KCNQ1OT1: variants seen among roughly 807,000 people sequenced by gnomAD.
KCNQ1OT1 encodes KCNQ1 antisense RNA 2 (non-protein coding).
chr11:2,642,947 T>A lies in KCNQ1OT1; in HGVS notation n.57048A>T. 1 of 398,006 alleles carries A rather than the reference T, an allele frequency of 2.5e-6. No individual in the cohort carries two copies. The highest frequency in any genetic ancestry group is 4.4e-6 in the Non-Finnish European group (1 of 225,704). 24.7% of individuals were successfully genotyped at this position (398,006 alleles called of 1,614,324 possible). On this transcript the variant is annotated non_coding_transcript_exon_variant, in exon 1 of 1. Transcript: ENST00000597346. The surrounding 1 kb of genome is among the most constrained non-coding windows in gnomAD (Gnocchi z 4.3). ...TTGGTCATTCAGGAACATGTTAATT[T>A]CCATTTATTTATACAGTTTTGAATG... is the stretch of plus-strand genomic sequence containing the variant.
exon 1 of KCNQ1OT1, chr11:2,667,195 G>A (rs1034634521): frequency 7.8e-5 from 31 of 398,696 alleles, no homozygotes; most frequent in Middle Eastern, 6.3e-4. Flanking sequence ...CAGCTGTGGC[G>A]GCCCCCCGTG....
exon 1 of KCNQ1OT1, chr11:2,689,584 G>A (rs1850555790): frequency 5.0e-6 from 2 of 398,550 alleles, no homozygotes; most frequent in Non-Finnish European, 8.8e-6. Context: ...GTTAGCAGTG[G>A]TGTCTTCTAG....
exon 1 of KCNQ1OT1, chr11:2,662,607 G>A (rs1222537595): frequency 2.6e-5 from 11 of 416,700 alleles, no homozygotes; most frequent in Admixed American, 3.9e-5. Context: ...CCGCCGTCAC[G>A]GCATGGCCAG....
chr11:2,615,164 T>G (rs964206844), exon 1 of KCNQ1OT1: 1 of 398,262 alleles, frequency 2.5e-6, no homozygotes. Flanking sequence ...CTATTGTAAG[T>G]GGAATTTTAA....
chr11:2,688,433 T>C (rs567183362), exon 1 of KCNQ1OT1: 3 of 398,752 alleles, frequency 7.5e-6, no homozygotes, highest in South Asian at 1.3e-4. Flanking sequence ...CCCCAGCCCC[T>C]GCCTGTGCCA....
rs754905912 is a variant in KCNQ1OT1, at chr11:2,654,031, G to A, written n.45964C>T. ...AATATACATTTTCACTCCATTCCTCGCCTTGTTCCTGGCAGCTGTTGTGGG... is the reference window on the plus strand; with the variant it reads ...AATATACATTTTCACTCCATTCCTCACCTTGTTCCTGGCAGCTGTTGTGGG... On this transcript the variant is annotated non_coding_transcript_exon_variant, in exon 1 of 1. Coordinates refer to ENST00000597346, the Ensembl canonical transcript of KCNQ1OT1. The surrounding 1 kb of genome is among the most constrained non-coding windows in gnomAD (Gnocchi z 6.4). The A allele has an allele frequency of 6.8e-5, 27 of 398,544 alleles. 1 individual carries two copies. The highest frequency in any genetic ancestry group is 9.7e-5 in the Non-Finnish European group (22 of 226,104). 24.7% of individuals were successfully genotyped at this position (398,544 alleles called of 1,614,324 possible).
rs968216656 is a variant in KCNQ1OT1, at chr11:2,674,846, A to G, written n.25149T>C. 1 of 396,720 alleles carries G rather than the reference A, an allele frequency of 2.5e-6. No individual in the cohort carries two copies. Among genetic ancestry groups the G allele is most frequent in the Non-Finnish European group, 4.4e-6 (1 of 225,546 alleles). 24.6% of individuals were successfully genotyped at this position (396,720 alleles called of 1,614,324 possible). A position where few individuals can be genotyped will look rare whatever the true frequency, so the allele number is the denominator to read the frequency against. ...TAGCTGTTTTTTAAAAAAAAAAAAA[A>G]AAAAAAAAAAAAAAGCTCACTGGGC... is the stretch of plus-strand genomic sequence containing the variant. On this transcript the variant is annotated non_coding_transcript_exon_variant, in exon 1 of 1. Transcript: ENST00000597346. This position sits in a 1 kb window ranked among gnomAD's most constrained non-coding sequence, Gnocchi z 5.9.
chr11:2,690,987 C>T lies in KCNQ1OT1; in HGVS notation n.9008G>A, dbSNP rs1441373040. On this transcript the variant is annotated non_coding_transcript_exon_variant, in exon 1 of 1. Transcript: ENST00000597346. This position sits in a 1 kb window ranked among gnomAD's most constrained non-coding sequence, Gnocchi z 5.1. Reference sequence around the variant, plus strand: ...ATGTGTCAACAAAAGCCCACCAGACCATCAATGAAGTGGGCAAAAGCTCTG... The same window carrying T: ...ATGTGTCAACAAAAGCCCACCAGACTATCAATGAAGTGGGCAAAAGCTCTG... 7.5e-6 allele frequency: 3 copies of T among 398,502 alleles called. No individual in the cohort carries two copies. The highest frequency in any genetic ancestry group is 7.1e-5 in the East Asian group (2 of 28,092). The allele number at this position is 398,502 out of a possible 1,614,324, so 24.7% of individuals were successfully genotyped here. A position where few individuals can be genotyped will look rare whatever the true frequency, so the allele number is the denominator to read the frequency against.
chr11:2,642,018 T>C lies in KCNQ1OT1; in HGVS notation n.57977A>G, dbSNP rs938435224. 5.3e-5 allele frequency: 21 copies of C among 398,292 alleles called. No individual in the cohort carries two copies. The highest frequency in any genetic ancestry group is 8.9e-5 in the Non-Finnish European group (20 of 225,922). 24.7% of individuals were successfully genotyped at this position (398,292 alleles called of 1,614,324 possible). Reference sequence around the variant, plus strand: ...TTTTATTCCAATACCATGCTGCTTTTAATGCTATAGCCTTATATTTTTAAA... The same window carrying C: ...TTTTATTCCAATACCATGCTGCTTTCAATGCTATAGCCTTATATTTTTAAA... On this transcript the variant is annotated non_coding_transcript_exon_variant, in exon 1 of 1. Coordinates refer to ENST00000597346, the Ensembl canonical transcript of KCNQ1OT1. This position sits in a 1 kb window ranked among gnomAD's most constrained non-coding sequence, Gnocchi z 4.3.
Position 2,690,648 on chromosome 11 carries a change from A to G in KCNQ1OT1, n.9347T>C, listed in dbSNP as rs1038932899. 6.3e-5 allele frequency: 25 copies of G among 398,566 alleles called. No homozygotes were observed. The highest frequency in any genetic ancestry group is 8.8e-5 in the Admixed American group (2 of 22,720). The allele number at this position is 398,566 out of a possible 1,614,324, so 24.7% of individuals were successfully genotyped here. A position where few individuals can be genotyped will look rare whatever the true frequency, so the allele number is the denominator to read the frequency against. On this transcript the variant is annotated non_coding_transcript_exon_variant, in exon 1 of 1. Coordinates refer to ENST00000597346, the Ensembl canonical transcript of KCNQ1OT1. This position sits in a 1 kb window ranked among gnomAD's most constrained non-coding sequence, Gnocchi z 5.1. Reference sequence around the variant, plus strand: ...ATATGTGTCAGAATGCGTATTTGTCAGTGTATGTGTGTCAGTGCACATAGG... The same window carrying G: ...ATATGTGTCAGAATGCGTATTTGTCGGTGTATGTGTGTCAGTGCACATAGG...
At chr11:2,637,334 C>T (rs1849488408) in exon 1 of KCNQ1OT1, 1 of 152,128 alleles carries the variant, frequency 6.6e-6, no homozygotes, top group South Asian at 2.1e-4. Flanking sequence ...TATAAATTTC[C>T]CTCTACACAC....
In KCNQ1OT1 at chr11:2,652,277, G is replaced by A. The variant is rs189051421; in HGVS notation, n.47718C>T. 207 of 398,606 alleles carry A rather than the reference G, an allele frequency of 5.2e-4. No homozygotes were observed. Among genetic ancestry groups the A allele is most frequent in the African/African-American group, 3.6e-3 (175 of 48,740 alleles). The allele number at this position is 398,606 out of a possible 1,614,324, so 24.7% of individuals were successfully genotyped here. ...TAAACATTCTGAGAACATCTGCACC[G>A]GTTTCCAAGGCTTCTCCCTCACTAA... On this transcript the variant is annotated non_coding_transcript_exon_variant, in exon 1 of 1. Transcript: ENST00000597346. The surrounding 1 kb of genome is among the most constrained non-coding windows in gnomAD (Gnocchi z 5.9).
chr11:2,611,627 G>T lies in KCNQ1OT1; in HGVS notation n.88368C>A. On this transcript the variant is annotated non_coding_transcript_exon_variant, in exon 1 of 1. Coordinates refer to ENST00000597346, the Ensembl canonical transcript of KCNQ1OT1. This position sits in a 1 kb window ranked among gnomAD's most constrained non-coding sequence, Gnocchi z 5.3. ...TTGAATCTAGAATGTGACTCTTATA[G>T]ACCATATATATTTGGATCCTGCTTT... The T allele has an allele frequency of 2.5e-6, 1 of 398,392 alleles. No individual in the cohort carries two copies. Among genetic ancestry groups the T allele is most frequent in the South Asian group, 1.3e-4 (1 of 7,794 alleles). The allele number at this position is 398,392 out of a possible 1,614,324, so 24.7% of individuals were successfully genotyped here.
At chr11:2,667,054 C>A in exon 1 of KCNQ1OT1, 1 of 398,646 alleles carries the variant, frequency 2.5e-6, no homozygotes, top group Non-Finnish European at 4.4e-6. Flanking sequence ...GGCTCAAACC[C>A]GTCTCTGAAA....
chr11:2,657,382 C>G lies in KCNQ1OT1; in HGVS notation n.42613G>C. 1 of 398,578 alleles carries G rather than the reference C, an allele frequency of 2.5e-6. No homozygotes were observed. Among genetic ancestry groups the G allele is most frequent in the Non-Finnish European group, 4.4e-6 (1 of 226,046 alleles). 24.7% of individuals were successfully genotyped at this position (398,578 alleles called of 1,614,324 possible). On this transcript the variant is annotated non_coding_transcript_exon_variant, in exon 1 of 1. Transcript: ENST00000597346. This position sits in a 1 kb window ranked among gnomAD's most constrained non-coding sequence, Gnocchi z 4.8. Reference sequence around the variant, plus strand: ...TCCATTTATATCTTCTTCATTGTCTCTTACTAAAGTTTTACAATTTTCTCC... The same window carrying G: ...TCCATTTATATCTTCTTCATTGTCTGTTACTAAAGTTTTACAATTTTCTCC...
exon 1 of KCNQ1OT1, chr11:2,666,334 G>A (rs1018040796): frequency 2.5e-6 from 1 of 398,652 alleles, no homozygotes. Flanking sequence ...GTGACTGTGA[G>A]CACCTCCCTG....
At position 2,624,191 on chromosome 11, in the gene KCNQ1OT1, A is replaced by G. The variant is rs1044244906; in HGVS notation, n.75804T>C. On this transcript the variant is annotated non_coding_transcript_exon_variant, in exon 1 of 1. Transcript: ENST00000597346. The surrounding 1 kb of genome is among the most constrained non-coding windows in gnomAD (Gnocchi z 4.9). Reference sequence around the variant, plus strand: ...CGTAAGATGTGGGGCATCTTTTCATATACTTAGTTGCCATCTGTATATCTT... The same window carrying G: ...CGTAAGATGTGGGGCATCTTTTCATGTACTTAGTTGCCATCTGTATATCTT... 16 of 398,436 alleles carry G rather than the reference A, an allele frequency of 4.0e-5. No homozygotes were observed. Among genetic ancestry groups the G allele is most frequent in the African/African-American group, 3.1e-4 (15 of 48,610 alleles). The allele number at this position is 398,436 out of a possible 1,614,324, so 24.7% of individuals were successfully genotyped here.
chr11:2,616,586 C>G, exon 1 of KCNQ1OT1: 1 of 397,982 alleles, frequency 2.5e-6, no homozygotes, highest in Non-Finnish European at 4.4e-6. Flanking sequence ...TATGTTGTGT[C>G]GTCATTTTCA....
chr11:2,660,477 G>T, exon 1 of KCNQ1OT1: 1 of 398,580 alleles, frequency 2.5e-6, no homozygotes, highest in South Asian at 1.3e-4. Flanking sequence ...AAAACAGACT[G>T]GGGAAGCTAT....
Sources: allele counts gnomAD v4.1 joint callset, GRCh38; gene constraint gnomAD v4.1.1; non-coding constraint Gnocchi (gnomAD v3.1); transcripts MANE v1.5; gene names NCBI Gene and HGNC (gene_info 2026-07-23, HGNC 2026-07-21).